The following NBAS variants were observed in gnomAD, a reference collection of about 807,000 sequenced individuals.
NBAS encodes NBAS subunit of NRZ tethering complex, also known as NAG/BC035112 fusion.
In NBAS, 219 loss-of-function variants were observed where a neutral mutation model predicts 302.5. The ratio of observed to expected loss-of-function variants is 0.72; its 90% CI spans 0.65 to 0.81. The LOEUF (loss-of-function observed/expected upper bound fraction) is 0.81. NBAS is among the 30% of genes least tolerant of loss of function. The pLI, the probability that NBAS is intolerant of heterozygous loss-of-function variation, is 0.00. For synonymous variants in NBAS, 1,118 were observed against 1,021.6 expected (o/e 1.09, Z -1.80); for missense variants, 2,932 against 2,841.6 (o/e 1.03, Z -0.72).
At chr2:15,320,652 C>T (rs1313694327) in intron 38 of NBAS, among the ~76,000 whole-genome samples, 7 of 151,970 alleles carry the variant, frequency 4.6e-5, no homozygotes, top group African/African-American at 1.2e-4. Flanking sequence ...TTCACAATTG[C>T]TACAAAGAAA....
intron 50 of NBAS, among the ~76,000 whole-genome samples, chr2:15,184,993 T>C (rs541462741): frequency 5.5e-4 from 84 of 152,322 alleles, no homozygotes; most frequent in Middle Eastern, 3.4e-3. Context: ...GAAGGAAGTA[T>C]TGAAAAAGGA....
the NBAS span, among the ~76,000 whole-genome samples, chr2:15,073,279 G>A: frequency 6.6e-6 from 1 of 151,984 alleles, no homozygotes; most frequent in African/African-American, 2.4e-5. Context: ...AGGAGTTTGA[G>A]ACCAGCCTGG....
chr2:15,424,292 C>G (rs1677353501), intron 23 of NBAS, 23 bp downstream of exon 23: 3 of 1,613,668 alleles, frequency 1.9e-6, no homozygotes, highest in Non-Finnish European at 2.5e-6. Flanking sequence ...CATTACTGAG[C>G]AGCAGCTGCC....
At chr2:15,548,111 A>G (rs1340075151) in intron 6 of NBAS, among the ~76,000 whole-genome samples, 1 of 152,240 alleles carries the variant, frequency 6.6e-6, no homozygotes, top group Non-Finnish European at 1.5e-5. Flanking sequence ...GTGAATTTCT[A>G]AAGTTAAACA....
chr2:15,371,288 T>C (rs1471057923), intron 31 of NBAS, among the ~76,000 whole-genome samples: 1 of 152,212 alleles, frequency 6.6e-6, no homozygotes, highest in Non-Finnish European at 1.5e-5. Context: ...CAATTAAACC[T>C]CTTACCTTTA....
the NBAS span, among the ~76,000 whole-genome samples, chr2:14,815,795 A>G: frequency 2.6e-5 from 4 of 152,164 alleles, no homozygotes; most frequent in African/African-American, 9.7e-5. Context: ...TTCCTCACAC[A>G]CACCATCCCA....
intron 44 of NBAS, among the ~76,000 whole-genome samples, chr2:15,260,347 C>A (rs1293647122): frequency 1.3e-5 from 2 of 152,208 alleles, no homozygotes; most frequent in African/African-American, 4.8e-5. Flanking sequence ...AATTCCCTGG[C>A]TCTTATCAGG....
chr2:15,333,546 G>A (rs577911870), intron 35 of NBAS, among the ~76,000 whole-genome samples: 6 of 152,224 alleles, frequency 3.9e-5, no homozygotes, highest in East Asian at 1.9e-4. Context: ...AATAATTAGC[G>A]ACTGAATTGA....
At chr2:15,163,193 G>GC (rs1437734276), downstream of NBAS, among the ~76,000 whole-genome samples, 1 of 152,150 alleles carries the variant, frequency 6.6e-6, no homozygotes, top group Non-Finnish European at 1.5e-5. Flanking sequence ...GCACACTCTC[G>GC]CATGTGAGAA....
At chr2:15,224,100 C>A (rs1667063397) in intron 47 of NBAS, among the ~76,000 whole-genome samples, 1 of 152,164 alleles carries the variant, frequency 6.6e-6, no homozygotes, top group Admixed American at 6.5e-5. Context: ...GCAACCATGA[C>A]AACAAAACAT....
intron 25 of NBAS, among the ~76,000 whole-genome samples, chr2:15,413,268 C>T (rs531504429): frequency 6.6e-6 from 1 of 152,306 alleles, no homozygotes; most frequent in African/African-American, 2.4e-5. Context: ...TATTTATTCA[C>T]TTGCCCTGCC....
intron 42 of NBAS, 93 bp from the exon 43 acceptor site, chr2:15,277,194 A>G: frequency 6.8e-7 from 1 of 1,469,410 alleles, no homozygotes; most frequent in Non-Finnish European, 9.2e-7. Context: ...TACTTCTTAT[A>G]GCTCCCTTCT....
the NBAS span, among the ~76,000 whole-genome samples, chr2:14,989,219 T>A: frequency 2.6e-5 from 4 of 152,026 alleles, no homozygotes; most frequent in Non-Finnish European, 5.9e-5. Flanking sequence ...TTGTAATATA[T>A]CATTTTCAAA....
chr2:15,444,179 A>AG (rs1678598387), intron 21 of NBAS, among the ~76,000 whole-genome samples: 1 of 152,006 alleles, frequency 6.6e-6, no homozygotes, highest in African/African-American at 2.4e-5. Flanking sequence ...GAACCAAAAA[A>AG]GAGCCTGCAA....
chr2:15,296,873 T>C (rs1670575419), intron 40 of NBAS, among the ~76,000 whole-genome samples: 1 of 152,050 alleles, frequency 6.6e-6, no homozygotes, highest in South Asian at 2.1e-4. Context: ...ACAAATAAAT[T>C]AGAATTTCAG....
intron 23 of NBAS, among the ~76,000 whole-genome samples, chr2:15,418,675 T>C (rs1327412166): frequency 1.3e-5 from 2 of 151,930 alleles, no homozygotes; most frequent in South Asian, 2.1e-4. Flanking sequence ...CTCTAAAGAA[T>C]CAAAGGGTAT....
intron 12 of NBAS, 99 bp downstream of exon 12, chr2:15,488,795 T>C: frequency 6.9e-7 from 1 of 1,455,088 alleles, no homozygotes; most frequent in Non-Finnish European, 9.5e-7. Context: ...ACGATGAGAA[T>C]AAACAGCTGT....
the NBAS span, among the ~76,000 whole-genome samples, chr2:14,878,221 T>C: frequency 2.6e-5 from 4 of 152,296 alleles, no homozygotes; most frequent in African/African-American, 9.6e-5. Context: ...TGAGTTTTCC[T>C]ACATGAAACT....
the NBAS span, among the ~76,000 whole-genome samples, chr2:14,977,855 C>T: frequency 1.3e-5 from 2 of 152,084 alleles, no homozygotes; most frequent in Non-Finnish European, 2.9e-5. Flanking sequence ...TCCAATTCTT[C>T]AATAGGGATT....
Sources: gnomAD v4.1 joint callset for allele counts (sites outside exome capture counted in the v4.1 genomes callset) on GRCh38, gnomAD v4.1.1 for gene constraint, MANE v1.5 for transcripts, NCBI Gene and HGNC (gene_info 2026-07-23, HGNC 2026-07-21) for gene names.